The following LARGE1 variants were observed in gnomAD, a reference collection of about 807,000 sequenced individuals.
LARGE1 encodes LARGE xylosyl- and glucuronyltransferase 1, also known as xylosyl- and glucuronyltransferase LARGE1.
LARGE1 carries 43 observed loss-of-function variants against 87.6 expected under a neutral mutation model. The observed-to-expected ratio is 0.49, with a 90% CI of 0.38 to 0.63. LARGE1 has a LOEUF of 0.63. Ranked by LOEUF, LARGE1 falls within the 30% of genes least tolerant of loss-of-function variation. The pLI, the probability that LARGE1 is intolerant of heterozygous loss-of-function variation, is 0.00. For synonymous variants in LARGE1, 434 were observed against 394.6 expected (o/e 1.10, Z -1.18); for missense variants, 802 against 1,000.2 (o/e 0.80, Z 2.67).
intron 7 of LARGE1, among the ~76,000 whole-genome samples, chr22:33,384,653 G>C (rs2065265189): frequency 6.7e-6 from 1 of 148,802 alleles, no homozygotes; most frequent in South Asian, 2.4e-4. Context: ...GGCAGGGAGA[G>C]CCTAGCATTG....
At chr22:33,800,162 A>G (rs1463480469) in intron 1 of LARGE1, among the ~76,000 whole-genome samples, 1 of 152,206 alleles carries the variant, frequency 6.6e-6, no homozygotes, top group Non-Finnish European at 1.5e-5. Context: ...GGCAAGGATT[A>G]TATCAAAAGC....
chr22:33,282,506 C>T (rs1312712363), intron 13 of LARGE1, among the ~76,000 whole-genome samples: 6 of 152,194 alleles, frequency 3.9e-5, no homozygotes, highest in Non-Finnish European at 8.8e-5. Context: ...GTCCCCAGGA[C>T]ATGGAACCTG....
At chr22:33,878,132 T>TTTTTTTTTTTTTTTTG in intron 1 of LARGE1, among the ~76,000 whole-genome samples, 1 of 89,254 alleles carries the variant, frequency 1.1e-5, no homozygotes, top group Non-Finnish European at 2.1e-5. Context: ...TGTATTTCTT[T>TTTTTTTTTTTTTTTTG]TTTTTTTTTT....
At chr22:33,564,096 T>C (rs1198678029) in intron 6 of LARGE1, among the ~76,000 whole-genome samples, 2 of 152,166 alleles carry the variant, frequency 1.3e-5, no homozygotes, top group South Asian at 2.1e-4. Flanking sequence ...TAAAAAAATA[T>C]ATAAAACTAA....
chr22:33,731,252 C>T (rs2083458028), intron 2 of LARGE1, among the ~76,000 whole-genome samples: 1 of 152,220 alleles, frequency 6.6e-6, no homozygotes, highest in East Asian at 1.9e-4. Context: ...ATCCGCCCAC[C>T]TCAGCCTCCC....
intron 5 of LARGE1, among the ~76,000 whole-genome samples, chr22:33,589,912 C>T (rs181036989): frequency 0.011 from 1,577 of 141,242 alleles, 27 homozygotes; most frequent in African/African-American, 0.042. Flanking sequence ...TATGTAGTTC[C>T]GCTGCACTGT....
At chr22:33,346,778 C>T (rs1228885406) in intron 9 of LARGE1, among the ~76,000 whole-genome samples, 1 of 152,188 alleles carries the variant, frequency 6.6e-6, no homozygotes, top group Non-Finnish European at 1.5e-5. Context: ...TCCCCTGCCC[C>T]TGTGAATGGA....
chr22:33,466,473 C>CAATA (rs1310326435), intron 6 of LARGE1, among the ~76,000 whole-genome samples: 4 of 150,404 alleles, frequency 2.7e-5, no homozygotes, highest in Non-Finnish European at 5.9e-5. Context: ...AGTAAGTGCT[C>CAATA]AATAAATATT....
intron 6 of LARGE1, among the ~76,000 whole-genome samples, chr22:33,499,434 A>C (rs2070323730): frequency 6.6e-6 from 1 of 152,186 alleles, no homozygotes; most frequent in South Asian, 2.1e-4. Context: ...CTGAGATGGC[A>C]CGATCATGGT....
chr22:33,697,549 C>CAAAAAAAAAAAAAA (rs3072289), intron 2 of LARGE1, among the ~76,000 whole-genome samples: 1 of 54,092 alleles, frequency 1.8e-5, no homozygotes, highest in African/African-American at 8.4e-5. Context: ...GACTCTGTCC[C>CAAAAAAAAAAAAAA]AAAAAAAAAA....
chr22:33,699,909 T>C (rs983552225), intron 2 of LARGE1, among the ~76,000 whole-genome samples: 16 of 152,332 alleles, frequency 1.1e-4, no homozygotes, highest in African/African-American at 3.6e-4. Flanking sequence ...ACTTCTCTAT[T>C]GGTTCATCCA....
chr22:33,297,640 C>T (rs1294084035), intron 12 of LARGE1, among the ~76,000 whole-genome samples: 2 of 148,542 alleles, frequency 1.3e-5, no homozygotes, highest in East Asian at 4.0e-4. Flanking sequence ...AGGGTTTGTC[C>T]CCAAGAAGGC....
intron 11 of LARGE1, among the ~76,000 whole-genome samples, chr22:33,309,931 T>C (rs895719829): frequency 1.3e-5 from 2 of 152,144 alleles, no homozygotes; most frequent in African/African-American, 4.8e-5. Context: ...CAAGAAGTCA[T>C]CTGAGGGTTT....
At chr22:33,404,633 A>G (rs2066034005) in intron 7 of LARGE1, among the ~76,000 whole-genome samples, 1 of 152,214 alleles carries the variant, frequency 6.6e-6, no homozygotes, top group African/African-American at 2.4e-5. Context: ...CGAGGTGTGC[A>G]TTTAGTGCTG....
rs746851170 is a variant in LARGE1, at chr22:33,384,243, C to G, written c.954G>C (p.Leu318=). 2.5e-6 allele frequency: 4 copies of G among 1,614,158 alleles called. No individual in the cohort carries two copies. In the South Asian group the frequency reaches 4.4e-5, roughly 18 times the overall value. ...RKMKWEQMWR[L]TAERELMGML... The stretch of plus-strand genomic sequence containing the variant: ...TGCCCATGAGCTCCCTCTCTGCGGT[C>G]AGCCTCCACATCTGCTCCCATTTCA... Residue 318 remains leucine, a synonymous_variant, in exon 8 of 15, where the codon CTG becomes CTC. Transcript: ENST00000397394.
At chr22:33,155,800 A>G in the LARGE1 span, among the ~76,000 whole-genome samples, 1 of 152,184 alleles carries the variant, frequency 6.6e-6, no homozygotes, top group Admixed American at 6.5e-5. Flanking sequence ...AGACCCTCCC[A>G]TCAAGGGCCA....
chr22:33,307,775 C>CTT (rs3216417), intron 11 of LARGE1, among the ~76,000 whole-genome samples: 3 of 144,832 alleles, frequency 2.1e-5, no homozygotes, highest in African/African-American at 5.0e-5. Context: ...TTTTTCTTTT[C>CTT]TTTTTTTTTT....
chr22:33,644,615 T>C (rs2080549378), intron 3 of LARGE1, among the ~76,000 whole-genome samples: 1 of 152,160 alleles, frequency 6.6e-6, no homozygotes, highest in Admixed American at 6.5e-5. Flanking sequence ...AGTAAGGAAG[T>C]GAAATTCTCT....
chr22:33,701,114 C>T (rs1486417150), intron 2 of LARGE1, among the ~76,000 whole-genome samples: 1 of 152,050 alleles, frequency 6.6e-6, no homozygotes, highest in Non-Finnish European at 1.5e-5. Flanking sequence ...GCTTTTTGTA[C>T]CTGGATCACA....
Sources: gnomAD v4.1 joint callset for allele counts (sites outside exome capture counted in the v4.1 genomes callset) on GRCh38, gnomAD v4.1.1 for gene constraint, MANE v1.5 for transcripts, NCBI Gene and HGNC (gene_info 2026-07-23, HGNC 2026-07-21) for gene names.